The following ANKS1B variants were observed in gnomAD, a reference collection of about 807,000 sequenced individuals.
The protein encoded by ANKS1B is ankyrin repeat and sterile alpha motif domain containing 1B, also known as ankyrin repeat and sterile alpha motif domain-containing protein 1B.
ANKS1B carries 36 observed loss-of-function variants against 148.3 expected under a neutral mutation model. The ratio of observed to expected loss-of-function variants is 0.24; its 90% CI spans 0.19 to 0.32. The LOEUF (loss-of-function observed/expected upper bound fraction) is 0.32, where lower values mean the gene tolerates loss of function less well. Among genes scored for constraint, ANKS1B ranks in the 10% least tolerant of loss-of-function variants. The pLI is 1.00. For missense variants in ANKS1B, 1,157 were observed against 1,542.6 expected (o/e 0.75, Z 4.19); for synonymous variants, 542 against 560.8 (o/e 0.97, Z 0.47).
chr12:98,787,041 C>T (rs1024422846), intron 22 of ANKS1B, among the ~76,000 whole-genome samples: 1 of 152,100 alleles, frequency 6.6e-6, no homozygotes, highest in African/African-American at 2.4e-5. Flanking sequence ...TAGTTAGATT[C>T]AAAGCTTAAT....
chr12:99,557,975 T>A (rs2097294585), intron 9 of ANKS1B, among the ~76,000 whole-genome samples: 1 of 152,134 alleles, frequency 6.6e-6, no homozygotes, highest in Non-Finnish European at 1.5e-5. Context: ...CTTATGGGCG[T>A]TTACCATGCC....
chr12:98,823,399 T>C (rs1440037399), intron 19 of ANKS1B, among the ~76,000 whole-genome samples: 1 of 152,182 alleles, frequency 6.6e-6, no homozygotes, highest in Admixed American at 6.5e-5. Context: ...GTGATGAAAA[T>C]CTAAATTAAA....
At chr12:99,417,314 A>G (rs2094937482) in intron 11 of ANKS1B, among the ~76,000 whole-genome samples, 1 of 152,166 alleles carries the variant, frequency 6.6e-6, no homozygotes, top group Non-Finnish European at 1.5e-5. Flanking sequence ...TCTTCCCTCC[A>G]CTGAACTGCT....
chr12:98,818,272 C>T (rs1406961992), intron 19 of ANKS1B, among the ~76,000 whole-genome samples: 6 of 151,494 alleles, frequency 4.0e-5, no homozygotes, highest in African/African-American at 1.2e-4. Flanking sequence ...AAGAAGTCCT[C>T]GGCTACTAAA....
chr12:99,211,277 A>AAAGTAAGT (rs2083309804), intron 14 of ANKS1B, among the ~76,000 whole-genome samples: 1 of 152,228 alleles, frequency 6.6e-6, no homozygotes, highest in Non-Finnish European at 1.5e-5. Context: ...CTAAGGTGCC[A>AAAGTAAGT]CATCACCAAG....
intron 17 of ANKS1B, among the ~76,000 whole-genome samples, chr12:99,027,280 C>A (rs2099949292): frequency 6.6e-6 from 1 of 152,214 alleles, no homozygotes; most frequent in African/African-American, 2.4e-5. Context: ...AATGTTTCCA[C>A]AAAATGACCG....
intron 16 of ANKS1B, among the ~76,000 whole-genome samples, chr12:99,080,710 A>G (rs770013501): frequency 6.6e-6 from 1 of 152,230 alleles, no homozygotes; most frequent in African/African-American, 2.4e-5. Flanking sequence ...TTAGAGGATT[A>G]TCCAAAGACT....
intron 12 of ANKS1B, among the ~76,000 whole-genome samples, chr12:99,279,581 G>C (rs2078125346): frequency 6.6e-6 from 1 of 152,158 alleles, no homozygotes. Context: ...TGGGGTGGGG[G>C]GAGGTTGTAG....
chr12:99,140,378 C>T (rs2070244666), intron 15 of ANKS1B, among the ~76,000 whole-genome samples: 2 of 152,166 alleles, frequency 1.3e-5, no homozygotes, highest in African/African-American at 4.8e-5. Context: ...ATGGATATTT[C>T]AGTATTCCTG....
chr12:99,138,584 C>T (rs557975025), intron 15 of ANKS1B, among the ~76,000 whole-genome samples: 8 of 152,176 alleles, frequency 5.3e-5, no homozygotes, highest in South Asian at 2.1e-4. Context: ...GGCACAGTGA[C>T]GGGTCATTAA....
At chr12:99,398,141 G>A (rs1230520631) in intron 12 of ANKS1B, among the ~76,000 whole-genome samples, 2 of 152,106 alleles carry the variant, frequency 1.3e-5, no homozygotes, top group East Asian at 1.9e-4. Flanking sequence ...GTAATGACAT[G>A]CTTTGATTTA....
chr12:99,718,417 T>C (rs1194504107), intron 8 of ANKS1B, among the ~76,000 whole-genome samples: 1 of 152,150 alleles, frequency 6.6e-6, no homozygotes, highest in East Asian at 1.9e-4. Flanking sequence ...TACTCCCTCC[T>C]TGGCGACTGA....
intron 1 of ANKS1B, among the ~76,000 whole-genome samples, chr12:99,855,796 C>A (rs1159415648): frequency 6.6e-6 from 1 of 152,086 alleles, no homozygotes. Flanking sequence ...AATTAAATAA[C>A]CTGCTCCTGA....
At chr12:99,715,681 T>C (rs1462202576) in intron 8 of ANKS1B, among the ~76,000 whole-genome samples, 1 of 152,096 alleles carries the variant, frequency 6.6e-6, no homozygotes, top group Non-Finnish European at 1.5e-5. Flanking sequence ...GTGAAAAAGA[T>C]CCACCTATGA....
chr12:99,669,112 G>T (rs746935798), intron 8 of ANKS1B, among the ~76,000 whole-genome samples: 2 of 151,802 alleles, frequency 1.3e-5, no homozygotes, highest in Non-Finnish European at 2.9e-5. Context: ...GTAATTCCAG[G>T]CCTATTTTTA....
At chr12:99,666,854 T>TGGG (rs34364839) in intron 8 of ANKS1B, among the ~76,000 whole-genome samples, 3 of 118,862 alleles carry the variant, frequency 2.5e-5, no homozygotes, top group Non-Finnish European at 5.0e-5. Flanking sequence ...ATAGTTACTA[T>TGGG]GGGGTGTGTG....
chr12:99,679,487 T>G (rs2098601680), intron 8 of ANKS1B, among the ~76,000 whole-genome samples: 1 of 152,062 alleles, frequency 6.6e-6, no homozygotes, highest in Non-Finnish European at 1.5e-5. Flanking sequence ...TTTTTTTATT[T>G]TTTGTAGAAA....
At chr12:99,225,124 T>C (rs2085701336) in intron 14 of ANKS1B, among the ~76,000 whole-genome samples, 2 of 152,168 alleles carry the variant, frequency 1.3e-5, no homozygotes, top group Non-Finnish European at 2.9e-5. Context: ...TGGCTATATA[T>C]AAATCATAGG....
At chr12:99,666,857 GGTGTGTGTGTGTGTGTGTGTGTGTGTGT>G (rs3083633) in intron 8 of ANKS1B, among the ~76,000 whole-genome samples, 1 of 132,536 alleles carries the variant, frequency 7.5e-6, no homozygotes, top group Admixed American at 7.5e-5. Flanking sequence ...GTTACTATGG[GGTGTGTGTGTGTGTGTGTGTGTGTGTGT>G]GTGTGTGTGT....
Sources: gnomAD v4.1 joint callset for allele counts (sites outside exome capture counted in the v4.1 genomes callset) on GRCh38, gnomAD v4.1.1 for gene constraint, MANE v1.5 for transcripts, NCBI Gene and HGNC (gene_info 2026-07-23, HGNC 2026-07-21) for gene names.